Variants in PCOLCE2 observed in about 807,000 individuals in gnomAD.
PCOLCE2 encodes the protein procollagen C-proteinase enhancer 2.
In PCOLCE2, 42 loss-of-function variants were observed where a neutral mutation model predicts 47.0. That is an observed-to-expected ratio of 0.89 (90% CI 0.70 to 1.16). The LOEUF (loss-of-function observed/expected upper bound fraction) is 1.16, where lower values mean the gene tolerates loss of function less well. PCOLCE2 is among the 50% of genes most tolerant of loss of function. PCOLCE2 has a pLI of 0.00. For synonymous variants in PCOLCE2, 169 were observed against 191.7 expected (o/e 0.88, Z 0.98); for missense variants, 500 against 526.1 (o/e 0.95, Z 0.49).
Position 142,848,457 on chromosome 3 carries a change from CT to C in PCOLCE2, c.207del (p.Val70Ter). 2 of 1,596,986 alleles carry C rather than the reference CT, an allele frequency of 1.3e-6. 1 individual carries two copies. Among genetic ancestry groups the C allele is most frequent in the South Asian group, 2.2e-5 (2 of 90,390 alleles). ...CTWKITVPEG[K>X]VVVLNFRFID... is the part of the protein sequence containing the mutation. ...ATGAATCGGAAATTGAGAACGACTACTTTTCCTTCGGGAACCTGCCAAGAAA... is the reference window on the plus strand; with the variant it reads ...ATGAATCGGAAATTGAGAACGACTACTTTCCTTCGGGAACCTGCCAAGAAA... On this transcript the variant is annotated frameshift_variant, in exon 3 of 9. Transcript: ENST00000295992. LOFTEE classifies it high-confidence loss of function.
chr3:142,886,388 C>T (rs373855856), intron 2 of PCOLCE2, among the ~76,000 whole-genome samples: 9 of 152,128 alleles, frequency 5.9e-5, no homozygotes, highest in East Asian at 3.8e-4. Context: ...AACACAATCA[C>T]GACATGAAAA....
chr3:142,852,790 A>G (rs1415046140), intron 2 of PCOLCE2, among the ~76,000 whole-genome samples: 1 of 150,308 alleles, frequency 6.7e-6, no homozygotes, highest in Non-Finnish European at 1.5e-5. Context: ...TGCAAAATGC[A>G]CAGTGACTTT....
intron 7 of PCOLCE2, 109 bp from the exon 8 acceptor site, chr3:142,821,154 T>A: frequency 1.2e-6 from 1 of 823,330 alleles, no homozygotes; most frequent in Non-Finnish European, 1.9e-6. Flanking sequence ...ATTTTAATGT[T>A]AAAGAAAAGG....
Position 142,834,166 on chromosome 3 carries a change from T to G in PCOLCE2, c.711-4320A>C, listed in dbSNP as rs73864461. 2.5e-3 allele frequency among the ~76,000 whole-genome samples: 385 copies of G among 152,284 alleles called. 1 individual carries two copies. Among genetic ancestry groups the G allele is most frequent in the African/African-American group, 9.0e-3 (375 of 41,554 alleles). ...AATTAGCCATCTACCCATCACTCTT[T>G]TAAAACCACACTGTCTTAATTACAA... On this transcript the variant is annotated intron_variant, in intron 5 of 8. Transcript: ENST00000295992.
intron 3 of PCOLCE2, among the ~76,000 whole-genome samples, chr3:142,847,838 C>T (rs1173560671): frequency 6.6e-6 from 1 of 152,184 alleles, no homozygotes; most frequent in Non-Finnish European, 1.5e-5. Flanking sequence ...GCCTGGGCTC[C>T]ACTTTTATTT....
chr3:142,841,133 T>G (rs987252003), intron 4 of PCOLCE2, among the ~76,000 whole-genome samples: 1 of 149,838 alleles, frequency 6.7e-6, no homozygotes, highest in Non-Finnish European at 1.5e-5. Flanking sequence ...TTAAAAAAAG[T>G]AAAGAAGAAG....
intron 6 of PCOLCE2, among the ~76,000 whole-genome samples, chr3:142,829,072 G>C (rs1937116454): frequency 6.6e-6 from 1 of 152,014 alleles, no homozygotes; most frequent in Admixed American, 6.6e-5. Flanking sequence ...TAGATCTGAG[G>C]CCTGAAATCC....
At chr3:142,851,051 A>T (rs1314572661) in intron 2 of PCOLCE2, among the ~76,000 whole-genome samples, 1 of 152,228 alleles carries the variant, frequency 6.6e-6, no homozygotes, top group Non-Finnish European at 1.5e-5. Flanking sequence ...AAGGGAAGAC[A>T]GATGTAGGTA....
In PCOLCE2 at chr3:142,888,984, C is replaced by A; in HGVS notation, c.-88G>T. ...CACCCACCGCGCTCACACCGCCGCT[C>A]ACACTGGCAGCAGCGCTGGCTCACA... On this transcript the variant is annotated 5_prime_UTR_variant, in exon 1 of 9. Transcript: ENST00000295992. 1 of 618,930 alleles carries A rather than the reference C, an allele frequency of 1.6e-6. No individual in the cohort carries two copies. Among genetic ancestry groups the A allele is most frequent in the South Asian group, 4.7e-5 (1 of 21,210 alleles). The allele number at this position is 618,930 out of a possible 1,614,324, so 38.3% of individuals were successfully genotyped here. A position where few individuals can be genotyped will look rare whatever the true frequency, so the allele number is the denominator to read the frequency against.
intron 6 of PCOLCE2, among the ~76,000 whole-genome samples, chr3:142,824,066 T>C (rs771862179): frequency 3.3e-5 from 5 of 152,200 alleles, no homozygotes; most frequent in Non-Finnish European, 5.9e-5. Flanking sequence ...ATGAGTAGCA[T>C]AGGTTTTTAG....
intron 2 of PCOLCE2, among the ~76,000 whole-genome samples, chr3:142,874,602 T>C (rs527412577): frequency 2.6e-5 from 4 of 152,356 alleles, no homozygotes; most frequent in African/African-American, 9.6e-5. Context: ...CAGAAATCTT[T>C]GGAAACAAGT....
intron 2 of PCOLCE2, among the ~76,000 whole-genome samples, chr3:142,869,920 AT>A (rs1430535665): frequency 3.9e-5 from 6 of 152,276 alleles, no homozygotes; most frequent in African/African-American, 1.4e-4. Flanking sequence ...TCATAGTCCT[AT>A]TTGGTTCAGA....
chr3:142,858,389 G>A (rs890903564), intron 2 of PCOLCE2, among the ~76,000 whole-genome samples: 2 of 152,144 alleles, frequency 1.3e-5, no homozygotes, highest in African/African-American at 2.4e-5. Flanking sequence ...ATATATTTTG[G>A]TCTCAGATCT....
intron 2 of PCOLCE2, among the ~76,000 whole-genome samples, chr3:142,859,668 C>T (rs1468989430): frequency 1.3e-5 from 2 of 151,446 alleles, no homozygotes; most frequent in African/African-American, 2.4e-5. Flanking sequence ...CAGGTTCAAG[C>T]GATTCCCCTG....
intron 2 of PCOLCE2, among the ~76,000 whole-genome samples, chr3:142,853,897 T>C (rs1933006851): frequency 6.6e-6 from 1 of 152,204 alleles, no homozygotes; most frequent in Non-Finnish European, 1.5e-5. Context: ...CAAAGTCCCG[T>C]GTGGGCCAAA....
chr3:142,870,459 T>G (rs1933367455), intron 2 of PCOLCE2, among the ~76,000 whole-genome samples: 1 of 152,188 alleles, frequency 6.6e-6, no homozygotes, highest in Non-Finnish European at 1.5e-5. Flanking sequence ...AATTACTGAT[T>G]TCTCTGAAGA....
chr3:142,869,078 TC>T (rs1029945739), intron 2 of PCOLCE2, among the ~76,000 whole-genome samples: 8 of 151,340 alleles, frequency 5.3e-5, no homozygotes, highest in African/African-American at 1.9e-4. Context: ...GATCACGAGG[TC>T]AGGAGATCGA....
Position 142,818,302 on chromosome 3 carries a change from G to A in PCOLCE2, c.*33C>T. ...GAACATAGATCTTTCAAAGGCAATG[G>A]CAGAATACAGCTTAAATGGACACAG... On this transcript the variant is annotated 3_prime_UTR_variant, in exon 9 of 9. Transcript: ENST00000295992. 1 of 1,595,534 alleles carries A rather than the reference G, an allele frequency of 6.3e-7. No homozygotes were observed. The highest frequency in any genetic ancestry group is 1.7e-5 in the Admixed American group (1 of 59,752).
At chr3:142,828,918 AGAGGCGCCT>A (rs1289235902) in intron 6 of PCOLCE2, among the ~76,000 whole-genome samples, 1 of 152,248 alleles carries the variant, frequency 6.6e-6, no homozygotes, top group Non-Finnish European at 1.5e-5. Context: ...CGTTAGACCC[AGAGGCGCCT>A]GCCTGTACTC....
Sources: gnomAD v4.1 joint callset for allele counts (sites outside exome capture counted in the v4.1 genomes callset) on GRCh38, gnomAD v4.1.1 for gene constraint, MANE v1.5 for transcripts, NCBI Gene and HGNC (gene_info 2026-07-23, HGNC 2026-07-21) for gene names.